Variants in HAS3 observed in about 807,000 individuals in gnomAD.
HAS3 encodes the protein HA synthase 3.
Under a neutral mutation model 50.3 loss-of-function variants are expected in HAS3, and 27 were observed. That is an observed-to-expected ratio of 0.54 (90% CI 0.40 to 0.74). The LOEUF is 0.74. Among genes scored for constraint, HAS3 ranks in the 30% least tolerant of loss-of-function variants. The pLI is 0.00. For synonymous variants in HAS3, 339 were observed against 310.9 expected, an observed-to-expected ratio of 1.09 and a Z score of -0.95; for missense variants, 517 against 742.8, an observed-to-expected ratio of 0.70 and a Z score of 3.53.
chr16:69,086,818 C>T, the HAS3 span, among the ~76,000 whole-genome samples: 2 of 152,116 alleles, frequency 1.3e-5, no homozygotes, highest in Admixed American at 6.6e-5. Flanking sequence ...GCGGGAGAAT[C>T]GCTTGAACCT....
chr16:69,097,333 G>A, the HAS3 span, among the ~76,000 whole-genome samples: 1 of 151,914 alleles, frequency 6.6e-6, no homozygotes, highest in African/African-American at 2.4e-5. Context: ...AAGTTAGCCA[G>A]GGATGGTGGC....
chr16:69,110,383 C>T (rs924008384), intron 2 of HAS3, among the ~76,000 whole-genome samples: 2 of 152,110 alleles, frequency 1.3e-5, no homozygotes, highest in Non-Finnish European at 2.9e-5. Context: ...GGGAATAAGG[C>T]GTGAGCCACC....
chr16:69,118,089 G>T, downstream of HAS3: 1 of 533,910 alleles, frequency 1.9e-6, no homozygotes, highest in Non-Finnish European at 3.4e-6. Flanking sequence ...TGCACACCAG[G>T]CCGAACAAAG....
chr16:69,115,345 G>A lies in HAS3; in HGVS notation c.*79G>A, dbSNP rs897012947. ...ATGGAAGAGAAAAGACAGGGTGGGA[G>A]GGAGGAGGGAGTGCTGTGTTTTAGT... On this transcript the variant is annotated 3_prime_UTR_variant, in exon 4 of 4. Transcript: ENST00000569188. 2.0e-6 allele frequency: 3 copies of A among 1,467,152 alleles called. No individual in the cohort carries two copies. In the South Asian group the frequency reaches 4.4e-5, roughly 21 times the overall value. 90.9% of individuals were successfully genotyped at this position (1,467,152 alleles called of 1,614,324 possible).
intron 2 of HAS3, among the ~76,000 whole-genome samples, chr16:69,111,581 A>C (rs1961003228): frequency 1.3e-5 from 2 of 152,152 alleles, no homozygotes; most frequent in African/African-American, 2.4e-5. Flanking sequence ...ACACACCTAA[A>C]ATTAGCTCAC....
chr16:69,118,137 T>TC, downstream of HAS3: 1 of 86,126 alleles, frequency 1.2e-5, no homozygotes, highest in Non-Finnish European at 2.4e-5. Context: ...ACCCCCACCC[T>TC]AATTCCCATA....
At chr16:69,083,576 T>G in the HAS3 span, 1 of 1,606,730 alleles carries the variant, frequency 6.2e-7, no homozygotes, top group South Asian at 1.1e-5. Flanking sequence ...CATGCCCAGT[T>G]GGCCCTAGAA....
rs762683323 is a variant in HAS3, at chr16:69,116,318, G to A, written c.*1052G>A. 47 of 985,762 alleles carry A rather than the reference G, an allele frequency of 4.8e-5. No individual in the cohort carries two copies. The highest frequency in any genetic ancestry group is 5.7e-5 in the Non-Finnish European group (47 of 829,954). 61.1% of individuals were successfully genotyped at this position (985,762 alleles called of 1,614,324 possible). On this transcript the variant is annotated 3_prime_UTR_variant, in exon 4 of 4. Transcript: ENST00000569188. ...CCCGGCTCTTATAGAAGCTTCAGCAGGAGGCAAGCGTGTTCTCAGCACATA... is the reference window on the plus strand; with the variant it reads ...CCCGGCTCTTATAGAAGCTTCAGCAAGAGGCAAGCGTGTTCTCAGCACATA...
At chr16:69,095,016 C>G in the HAS3 span, among the ~76,000 whole-genome samples, 5 of 140,640 alleles carry the variant, frequency 3.6e-5, no homozygotes, top group Non-Finnish European at 7.5e-5. Context: ...AGTGTTCGCT[C>G]TGTCACCCAG....
At position 69,109,686 on chromosome 16, in the gene HAS3, C is replaced by A; in HGVS notation, c.291C>A (p.Asp97Glu). The A allele has an allele frequency of 6.2e-7, 1 of 1,610,276 alleles. No individual in the cohort carries two copies. The highest frequency in any genetic ancestry group is 8.5e-7 in the Non-Finnish European group (1 of 1,179,912). ...TGTGCATTGCCGCATACCAGGAGGA[C>A]CCTGACTACTTGCGCAAGTGCCTGC... Reference protein sequence around the residue: ...VALCIAAYQEDPDYLRKCLRS... With the variant: ...VALCIAAYQEEPDYLRKCLRS... The change falls in exon 2 of 4, where the codon GAC becomes GAA. Residue 97 changes from aspartate to glutamate, a missense_variant. Asp to Glu is a conservative substitution (Grantham distance 45). Transcript: ENST00000569188. The surrounding 1 kb of genome is among the most constrained non-coding windows in gnomAD (Gnocchi z 5.3).
chr16:69,115,628 C>T lies in HAS3; in HGVS notation c.*362C>T. 1 of 1,011,796 alleles carries T rather than the reference C, an allele frequency of 9.9e-7. No individual in the cohort carries two copies. The highest frequency in any genetic ancestry group is 1.2e-6 in the Non-Finnish European group (1 of 847,838). 62.7% of individuals were successfully genotyped at this position (1,011,796 alleles called of 1,614,324 possible). A position where few individuals can be genotyped will look rare whatever the true frequency, so the allele number is the denominator to read the frequency against. ...CTTGTGATAGGTACCTGAGTGACGG[C>T]AACCTGCGGAAGGAGGTTCTCCCAG... On this transcript the variant is annotated 3_prime_UTR_variant, in exon 4 of 4. Transcript: ENST00000569188.
upstream of HAS3, among the ~76,000 whole-genome samples, chr16:69,101,745 A>G (rs982028556): frequency 3.3e-5 from 5 of 151,790 alleles, no homozygotes; most frequent in African/African-American, 9.7e-5. Context: ...TTCTCTCATC[A>G]ATATTTAATT....
chr16:69,107,428 T>C lies in HAS3; in HGVS notation c.-1+1641T>C. ...AGAGCAGGGCCTGGTCCGACTGGGA[T>C]CCCTTGGGTTTTCCGTTCCTTCCCG... On this transcript the variant is annotated intron_variant, in intron 1 of 3. Transcript: ENST00000569188. This position sits in a 1 kb window ranked among gnomAD's most constrained non-coding sequence, Gnocchi z 5.5. The C allele has an allele frequency of 3.0e-6, 3 of 985,482 alleles. No individual in the cohort carries two copies. The highest frequency in any genetic ancestry group is 3.6e-6 in the Non-Finnish European group (3 of 829,976). The allele number at this position is 985,482 out of a possible 1,614,324, so 61.0% of individuals were successfully genotyped here.
downstream of HAS3, chr16:69,118,000 G>A (rs982919087): frequency 3.5e-6 from 1 of 286,948 alleles, no homozygotes; most frequent in Non-Finnish European, 6.7e-6. Context: ...AAAACACAGT[G>A]ACACCAGCAG....
chr16:69,114,263 G>GT lies in HAS3; in HGVS notation c.739-79dup. On this transcript the variant is annotated intron_variant, in intron 3 of 3. Transcript: ENST00000569188. The surrounding 1 kb of genome is among the most constrained non-coding windows in gnomAD (Gnocchi z 6.4). ...TAAGCAGCGGGCCACAGAAGCCATG[G>GT]TAAGGAGGCCTCGTGGTCTCTGATG... The GT allele has an allele frequency of 6.6e-7, 1 of 1,505,592 alleles. No homozygotes were observed. Among genetic ancestry groups the GT allele is most frequent in the South Asian group, 1.3e-5 (1 of 74,962 alleles). The allele number at this position is 1,505,592 out of a possible 1,614,324, so 93.3% of individuals were successfully genotyped here.
intron 2 of HAS3, among the ~76,000 whole-genome samples, chr16:69,110,767 GCAGCACTGCCT>G (rs1332612139): frequency 6.6e-6 from 1 of 152,212 alleles, no homozygotes; most frequent in Non-Finnish European, 1.5e-5. Flanking sequence ...TACCTGTGAT[GCAGCACTGCCT>G]CAGCAATGGC....
In HAS3 at chr16:69,107,277, T is replaced by C; in HGVS notation, c.-1+1490T>C. On this transcript the variant is annotated intron_variant, in intron 1 of 3. Coordinates refer to ENST00000569188, the MANE Select transcript of HAS3 (RefSeq NM_001199280.2). This position sits in a 1 kb window ranked among gnomAD's most constrained non-coding sequence, Gnocchi z 5.5. The stretch of plus-strand genomic sequence containing the variant: ...GGCCTCTATTTGGGGGTGGGGGTAG[T>C]AACCTGGGTAATGCCTCTAATTCCT... The C allele has an allele frequency of 1.1e-6, 1 of 946,322 alleles. No individual in the cohort carries two copies. The highest frequency in any genetic ancestry group is 1.3e-6 in the Non-Finnish European group (1 of 794,476). 58.6% of individuals were successfully genotyped at this position (946,322 alleles called of 1,614,324 possible). A position where few individuals can be genotyped will look rare whatever the true frequency, so the allele number is the denominator to read the frequency against.
chr16:69,104,984 GTTTTTTGGTTTTTTTTTTTTT>G (rs1012955677), upstream of HAS3, among the ~76,000 whole-genome samples: 2 of 81,046 alleles, frequency 2.5e-5, no homozygotes, highest in African/African-American at 4.7e-5. Flanking sequence ...GGTAAACTCT[GTTTTTTGGTTTTTTTTTTTTT>G]TTTTTTTTTT....
chr16:69,086,852 C>T, the HAS3 span, among the ~76,000 whole-genome samples: 4 of 151,860 alleles, frequency 2.6e-5, no homozygotes, highest in East Asian at 1.9e-4. Context: ...TGTGGTGAGC[C>T]GAGATTGCGC....
Sources: gnomAD v4.1 joint callset for allele counts (sites outside exome capture counted in the v4.1 genomes callset) on GRCh38, gnomAD v4.1.1 for gene constraint, Gnocchi (gnomAD v3.1) non-coding constraint, MANE v1.5 for transcripts, NCBI Gene and HGNC (gene_info 2026-07-23, HGNC 2026-07-21) for gene names.